ZNF423: variants seen among roughly 807,000 people sequenced by gnomAD.
ZNF423 encodes Ebf-associated zinc finger protein.
ZNF423 carries 12 observed loss-of-function variants against 95.8 expected under a neutral mutation model. The ratio of observed to expected loss-of-function variants is 0.13; its 90% confidence interval spans 0.08 to 0.20. ZNF423 has a LOEUF of 0.20. Among genes scored for constraint, ZNF423 ranks in the 10% least tolerant of loss-of-function variants. ZNF423 has a pLI of 1.00. For missense variants in ZNF423, 1,316 were observed against 1,737.1 expected (o/e 0.76, Z 4.31); for synonymous variants, 749 against 711.9 (o/e 1.05, Z -0.83).
intron 2 of ZNF423, among the ~76,000 whole-genome samples, chr16:49,778,500 C>T (rs961398693): frequency 1.3e-5 from 2 of 152,232 alleles, no homozygotes; most frequent in Non-Finnish European, 2.9e-5. Context: ...CAGGCCTCTA[C>T]CTTTCAGAGC....
rs146870786 is a variant in ZNF423, at chr16:49,494,887, T to C, written c.3850-3583A>G. 1.2e-3 allele frequency among the ~76,000 whole-genome samples: 176 copies of C among 152,370 alleles called. 2 individuals are homozygous for C. Among genetic ancestry groups the C allele is most frequent in the African/African-American group, 3.9e-3 (163 of 41,592 alleles). ...GGTTCAGCAAACCTTCTTAAAGAGTTCTTTCCATCCAGCATAGTTCTCACA... is the reference window on the plus strand; with the variant it reads ...GGTTCAGCAAACCTTCTTAAAGAGTCCTTTCCATCCAGCATAGTTCTCACA... On this transcript the variant is annotated intron_variant, in intron 7 of 7. Coordinates refer to ENST00000563137, the MANE Select transcript of ZNF423 (RefSeq NM_001379286.1).
At chr16:49,533,691 A>C (rs1464901163) in intron 5 of ZNF423, among the ~76,000 whole-genome samples, 2 of 152,152 alleles carry the variant, frequency 1.3e-5, no homozygotes, top group African/African-American at 4.8e-5. Flanking sequence ...AGTGGGGAAA[A>C]ACATGGCCAA....
At chr16:49,777,734 T>C (rs1225594187) in intron 2 of ZNF423, among the ~76,000 whole-genome samples, 2 of 152,174 alleles carry the variant, frequency 1.3e-5, no homozygotes, top group Non-Finnish European at 2.9e-5. Flanking sequence ...ACTGGACTAG[T>C]CTCTTTAGCT....
intron 1 of ZNF423, among the ~76,000 whole-genome samples, chr16:49,807,535 AG>A (rs2034685007): frequency 6.6e-6 from 1 of 152,184 alleles, no homozygotes; most frequent in East Asian, 1.9e-4. Flanking sequence ...ACCCCGGGGT[AG>A]GGGCAAGCAC....
chr16:49,725,852 C>T (rs913192908), intron 3 of ZNF423, among the ~76,000 whole-genome samples: 1 of 152,348 alleles, frequency 6.6e-6, no homozygotes, highest in Admixed American at 6.5e-5. Flanking sequence ...CCATCTGCTT[C>T]AGAGCCACCT....
At chr16:49,845,046 A>AAAC (rs2035229762) in intron 1 of ZNF423, among the ~76,000 whole-genome samples, 3 of 107,010 alleles carry the variant, frequency 2.8e-5, no homozygotes, top group African/African-American at 8.2e-5. Context: ...AAAAAAAAAA[A>AAAC]AAAAAAAAAA....
chr16:49,502,840 C>T (rs1162998520), intron 7 of ZNF423, among the ~76,000 whole-genome samples: 2 of 143,140 alleles, frequency 1.4e-5, no homozygotes, highest in African/African-American at 2.6e-5. Context: ...ATGTGCCCAC[C>T]CTCCCCACAC....
intron 5 of ZNF423, among the ~76,000 whole-genome samples, chr16:49,549,372 C>T (rs1360372939): frequency 1.3e-5 from 2 of 152,228 alleles, no homozygotes; most frequent in East Asian, 3.8e-4. Context: ...CGGCCTCCAG[C>T]CAGATGGCAG....
At chr16:49,809,899 C>T (rs903684657) in intron 1 of ZNF423, among the ~76,000 whole-genome samples, 6 of 152,122 alleles carry the variant, frequency 3.9e-5, no homozygotes, top group African/African-American at 9.7e-5. Context: ...AGTGAGAGCT[C>T]GCCCAGCTGT....
At chr16:49,554,012 G>T (rs916426985) in intron 5 of ZNF423, among the ~76,000 whole-genome samples, 1 of 152,234 alleles carries the variant, frequency 6.6e-6, no homozygotes, top group Non-Finnish European at 1.5e-5. Flanking sequence ...ACTCCCAACT[G>T]CCCCTCCAGT....
At chr16:49,558,147 C>T (rs927203493) in intron 5 of ZNF423, among the ~76,000 whole-genome samples, 1 of 152,156 alleles carries the variant, frequency 6.6e-6, no homozygotes, top group African/African-American at 2.4e-5. Flanking sequence ...GTTAACTCTC[C>T]AGGGCAGGCG....
intron 1 of ZNF423, chr16:49,854,631 G>A (rs2035338003): frequency 3.0e-6 from 3 of 985,240 alleles, no homozygotes; most frequent in Non-Finnish European, 3.6e-6. Context: ...CCGAGCGCCC[G>A]GGCACCCAAC....
chr16:49,822,640 A>C (rs2144029597), intron 1 of ZNF423: 2 of 1,567,024 alleles, frequency 1.3e-6, no homozygotes, highest in Non-Finnish European at 1.7e-6. Flanking sequence ...CCCTTGCCCC[A>C]CCCCTCAGCC....
At chr16:49,772,543 C>A (rs1172538021) in intron 2 of ZNF423, among the ~76,000 whole-genome samples, 1 of 152,214 alleles carries the variant, frequency 6.6e-6, no homozygotes, top group African/African-American at 2.4e-5. Flanking sequence ...CCCCTGTTGT[C>A]CCAGCTTCGG....
At chr16:49,620,483 G>C (rs376527621) in intron 5 of ZNF423, among the ~76,000 whole-genome samples, 1 of 152,172 alleles carries the variant, frequency 6.6e-6, no homozygotes, top group Non-Finnish European at 1.5e-5. Flanking sequence ...AAGGGCCGGC[G>C]TGAGCATGAA....
intron 7 of ZNF423, among the ~76,000 whole-genome samples, chr16:49,511,413 G>A (rs759348669): frequency 5.9e-5 from 9 of 152,228 alleles, no homozygotes; most frequent in Non-Finnish European, 1.2e-4. Context: ...TGCGAACACA[G>A]GCACTCATGT....
At chr16:49,596,985 T>C (rs1318765410) in intron 5 of ZNF423, among the ~76,000 whole-genome samples, 1 of 152,188 alleles carries the variant, frequency 6.6e-6, no homozygotes. Flanking sequence ...CTCTCTGCCC[T>C]GTTGGGTCGG....
chr16:49,776,949 G>T (rs1459504835), intron 2 of ZNF423, among the ~76,000 whole-genome samples: 1 of 152,252 alleles, frequency 6.6e-6, no homozygotes, highest in African/African-American at 2.4e-5. Flanking sequence ...GCATGCCTGG[G>T]TGTGGATGAG....
At chr16:49,545,772 A>T (rs1238557543) in intron 5 of ZNF423, among the ~76,000 whole-genome samples, 1 of 152,210 alleles carries the variant, frequency 6.6e-6, no homozygotes, top group Non-Finnish European at 1.5e-5. Flanking sequence ...CTGAGTTAAT[A>T]AAGATTAGCT....
Sources: gnomAD v4.1 joint callset for allele counts (sites outside exome capture counted in the v4.1 genomes callset) on GRCh38, gnomAD v4.1.1 for gene constraint, MANE v1.5 for transcripts, NCBI Gene and HGNC (gene_info 2026-07-23, HGNC 2026-07-21) for gene names.